Variants in RFX4 observed in about 807,000 individuals in gnomAD.
RFX4 encodes regulatory factor X4, also known as transcription factor RFX4.
Under a neutral mutation model 95.0 loss-of-function variants are expected in RFX4, and 10 were observed. That is an observed-to-expected ratio of 0.11 (90% CI 0.06 to 0.18). The LOEUF (loss-of-function observed/expected upper bound fraction) is 0.18, where lower values mean the gene tolerates loss of function less well. Among genes scored for constraint, RFX4 ranks in the 10% least tolerant of loss-of-function variants. The pLI is 1.00. For missense variants in RFX4, 640 were observed against 922.0 expected (o/e 0.69, Z 3.96); for synonymous variants, 321 against 340.7 (o/e 0.94, Z 0.64).
intron 5 of RFX4, chr12:106,683,480 A>AAAC (rs2041568596): frequency 6.7e-6 from 1 of 148,328 alleles, no homozygotes; most frequent in African/African-American, 2.5e-5. Flanking sequence ...AAAAAAAAAA[A>AAAC]AAAAAAAAAA....
intron 2 of RFX4, among the ~76,000 whole-genome samples, chr12:106,622,276 A>G (rs1565953691): frequency 6.6e-6 from 1 of 152,130 alleles, no homozygotes; most frequent in Non-Finnish European, 1.5e-5. Flanking sequence ...TTACATGTAC[A>G]TATATTTGGA....
At chr12:106,633,652 G>A (rs533076783) in intron 2 of RFX4, among the ~76,000 whole-genome samples, 179 of 152,292 alleles carry the variant, frequency 1.2e-3, no homozygotes, top group African/African-American at 4.1e-3. Flanking sequence ...CACAGTTGGG[G>A]GCAATGCTGG....
intron 2 of RFX4, among the ~76,000 whole-genome samples, chr12:106,623,222 T>C (rs1007890521): frequency 5.3e-5 from 8 of 149,850 alleles, no homozygotes; most frequent in African/African-American, 2.0e-4. Flanking sequence ...GTATTTTTAG[T>C]AGAGACAGGG....
intron 4 of RFX4, among the ~76,000 whole-genome samples, chr12:106,679,780 G>T (rs889663325): frequency 6.6e-6 from 1 of 152,162 alleles, no homozygotes; most frequent in African/African-American, 2.4e-5. Context: ...TCAAATCCTG[G>T]CTCTGAAGCC....
intron 15 of RFX4, 99 bp downstream of exon 15, chr12:106,733,184 C>T: frequency 2.2e-6 from 3 of 1,339,074 alleles, no homozygotes; most frequent in East Asian, 2.3e-5. Flanking sequence ...TCCACACACA[C>T]AAAAAGCCAG....
At chr12:106,585,338 A>G (rs563912983) in intron 1 of RFX4, among the ~76,000 whole-genome samples, 1 of 151,880 alleles carries the variant, frequency 6.6e-6, no homozygotes, top group Non-Finnish European at 1.5e-5. Context: ...AACTGCAAAC[A>G]CTCCAGAGAC....
At chr12:106,744,942 G>A (rs1415770621) in intron 15 of RFX4, among the ~76,000 whole-genome samples, 2 of 152,186 alleles carry the variant, frequency 1.3e-5, no homozygotes, top group African/African-American at 4.8e-5. Context: ...ACAGTTCATA[G>A]TTAAAGATAT....
chr12:106,595,115 C>T (rs544216769), intron 1 of RFX4, among the ~76,000 whole-genome samples: 82 of 152,280 alleles, frequency 5.4e-4, no homozygotes, highest in African/African-American at 1.9e-3. Context: ...CTTTATTTAA[C>T]TCACATATTG....
At position 106,761,913 on chromosome 12, in the gene RFX4, C is replaced by G. The variant is rs2043213158; in HGVS notation, c.*444C>G. 1 of 153,372 alleles carries G rather than the reference C, an allele frequency of 6.5e-6. No homozygotes were observed. Among genetic ancestry groups the G allele is most frequent in the Non-Finnish European group, 1.5e-5 (1 of 68,674 alleles). The allele number at this position is 153,372 out of a possible 1,614,324, so 9.5% of individuals were successfully genotyped here. Reference sequence around the variant, plus strand: ...CACATAATTTACCAAGAGCATTCACCTTGCCATCTGTCTTGTCATTGTACT... The same window carrying G: ...CACATAATTTACCAAGAGCATTCACGTTGCCATCTGTCTTGTCATTGTACT... On this transcript the variant is annotated 3_prime_UTR_variant, in exon 18 of 18. Coordinates refer to ENST00000392842, the MANE Select transcript of RFX4 (RefSeq NM_213594.3).
In RFX4 at chr12:106,615,203, T is replaced by C. The variant is rs182820071; in HGVS notation, c.130+6320T>C. Among the ~76,000 whole-genome samples, 65 of 152,266 alleles carry C rather than the reference T, an allele frequency of 4.3e-4. 3 individuals are homozygous for C. The East Asian group carries it at 0.011, about 27-fold the overall frequency. Reference sequence around the variant, plus strand: ...AAGTTCTTTTTTTTCTTATTAATTTTCAACTGATAGAGCACGATTTCTTGA... The same window carrying C: ...AAGTTCTTTTTTTTCTTATTAATTTCCAACTGATAGAGCACGATTTCTTGA... On this transcript the variant is annotated intron_variant, in intron 2 of 17. Transcript: ENST00000392842.
At chr12:106,649,678 A>G (rs1237733469) in intron 3 of RFX4, among the ~76,000 whole-genome samples, 2 of 152,244 alleles carry the variant, frequency 1.3e-5, no homozygotes, top group African/African-American at 4.8e-5. Flanking sequence ...CAAGAACAGC[A>G]AATGGAAACT....
chr12:106,665,756 A>G (rs2041162341), intron 4 of RFX4, among the ~76,000 whole-genome samples: 1 of 151,934 alleles, frequency 6.6e-6, no homozygotes, highest in South Asian at 2.1e-4. Context: ...GCCACTTCAC[A>G]AGAAGGGCGA....
intron 4 of RFX4, among the ~76,000 whole-genome samples, chr12:106,662,500 A>G (rs1245601629): frequency 6.6e-6 from 1 of 152,162 alleles, no homozygotes; most frequent in Non-Finnish European, 1.5e-5. Context: ...ATTTTCTCCC[A>G]GCCTGTGGCT....
At chr12:106,627,818 G>A (rs2040333331) in intron 2 of RFX4, among the ~76,000 whole-genome samples, 1 of 152,234 alleles carries the variant, frequency 6.6e-6, no homozygotes, top group Admixed American at 6.5e-5. Context: ...GGAGAAGAAG[G>A]AAGTTCAGGG....
intron 1 of RFX4, among the ~76,000 whole-genome samples, chr12:106,602,013 A>G (rs933504058): frequency 6.6e-6 from 1 of 152,110 alleles, no homozygotes; most frequent in African/African-American, 2.4e-5. Flanking sequence ...GCATCTTATT[A>G]TAATACCAAA....
At chr12:106,727,079 A>AT (rs1037255721) in intron 13 of RFX4, among the ~76,000 whole-genome samples, 1 of 152,080 alleles carries the variant, frequency 6.6e-6, no homozygotes, top group Non-Finnish European at 1.5e-5. Context: ...GCCTACACAC[A>AT]TTTTTTCCAT....
intron 1 of RFX4, chr12:106,601,128 A>T (rs1429580967): frequency 2.1e-6 from 3 of 1,432,732 alleles, no homozygotes; most frequent in Non-Finnish European, 9.2e-7. Flanking sequence ...CTGGGGCAGG[A>T]CCTGTGGCGT....
chr12:106,627,576 A>G (rs941426824), intron 2 of RFX4, among the ~76,000 whole-genome samples: 1 of 152,072 alleles, frequency 6.6e-6, no homozygotes, highest in Non-Finnish European at 1.5e-5. Flanking sequence ...ACACATCACA[A>G]TTCAAGGCTA....
chr12:106,682,021 C>T lies in RFX4; in HGVS notation c.344C>T (p.Thr115Ile). 1 of 1,614,188 alleles carries T rather than the reference C, an allele frequency of 6.2e-7. No individual in the cohort carries two copies. The highest frequency in any genetic ancestry group is 8.5e-7 in the Non-Finnish European group (1 of 1,180,028). Residue 115 changes from threonine (T) to isoleucine (I), a missense_variant, in exon 5 of 18, where the codon ACC becomes ATC. Physicochemically the swap from Thr to Ile is moderately conservative, Grantham distance 89. This residue lies in a region of RFX4 where 89 missense variants were observed against 173.8 expected (regional missense o/e 0.51). Transcript: ENST00000392842. ...ATAAGGCAGCAGTTTCCTCAGTTAA[C>T]CACCAGAAGACTCGGGACCCGAGGA... ...KIIRQQFPQL[T>I]TRRLGTRGQS...
Sources: allele counts gnomAD v4.1 joint callset (sites outside exome capture counted in the v4.1 genomes callset), GRCh38; gene constraint gnomAD v4.1.1; regional missense constraint gnomAD v4.1.1; transcripts MANE v1.5; gene names NCBI Gene and HGNC (gene_info 2026-07-23, HGNC 2026-07-21).